Variants in CBX1 observed in about 807,000 individuals in gnomAD.
CBX1 encodes chromobox protein homolog 1.
Under a neutral mutation model 25.1 loss-of-function variants are expected in CBX1, and 10 were observed. That is an observed-to-expected ratio of 0.40 (90% CI 0.25 to 0.68). CBX1 has a LOEUF of 0.68. CBX1 is among the 30% of genes least tolerant of loss of function. CBX1 has a pLI of 0.40. For synonymous variants in CBX1, 63 were observed against 79.4 expected (o/e 0.79, Z 1.10); for missense variants, 106 against 218.5 (o/e 0.49, Z 3.25).
intron 1 of CBX1, among the ~76,000 whole-genome samples, chr17:48,092,431 TG>T (rs1327598362): frequency 6.7e-6 from 1 of 149,364 alleles, no homozygotes; most frequent in East Asian, 2.1e-4. Context: ...CAGACCAGCC[TG>T]GGCAACACAG....
intron 1 of CBX1, among the ~76,000 whole-genome samples, chr17:48,085,674 T>C (rs1222810296): frequency 2.6e-5 from 4 of 152,196 alleles, no homozygotes; most frequent in African/African-American, 7.2e-5. Context: ...AGCAGTCTTT[T>C]GAGTCTTTTA....
At chr17:48,075,744 A>G (rs549400951) in intron 3 of CBX1, among the ~76,000 whole-genome samples, 2 of 152,290 alleles carry the variant, frequency 1.3e-5, no homozygotes, top group South Asian at 2.1e-4. Flanking sequence ...ATTGAAAACT[A>G]TTTTTTACAA....
chr17:48,079,148 C>T (rs117974417), intron 1 of CBX1, among the ~76,000 whole-genome samples: 8 of 150,442 alleles, frequency 5.3e-5, no homozygotes, highest in South Asian at 2.1e-4. Context: ...TCACTCCAGC[C>T]GGGCTGGAGT....
intron 1 of CBX1, among the ~76,000 whole-genome samples, chr17:48,082,350 A>C (rs1005632389): frequency 1.3e-5 from 2 of 151,332 alleles, no homozygotes; most frequent in African/African-American, 4.9e-5. Flanking sequence ...AAAATACAAA[A>C]AATTAGCTGG....
chr17:48,080,395 G>T (rs2037718961), intron 1 of CBX1, among the ~76,000 whole-genome samples: 1 of 152,080 alleles, frequency 6.6e-6, no homozygotes, highest in African/African-American at 2.4e-5. Flanking sequence ...TTTGTCAGTA[G>T]ATGGCACTGT....
At chr17:48,100,937 G>A in intron 1 of CBX1, 3 of 986,262 alleles carry the variant, frequency 3.0e-6, no homozygotes, top group African/African-American at 1.7e-5. Context: ...GTCCCCTTCC[G>A]CCCTATCCCG....
chr17:48,082,228 C>CGTG (rs2037745389), intron 1 of CBX1, among the ~76,000 whole-genome samples: 1 of 151,374 alleles, frequency 6.6e-6, no homozygotes, highest in Admixed American at 6.6e-5. Flanking sequence ...AGAGGCTGGG[C>CGTG]GTGGTGGCTC....
intron 4 of CBX1, among the ~76,000 whole-genome samples, chr17:48,072,223 C>T (rs1175839165): frequency 6.6e-6 from 1 of 152,038 alleles, no homozygotes; most frequent in African/African-American, 2.4e-5. Flanking sequence ...GTTGGCCAGG[C>T]TCATCTTGAA....
chr17:48,074,698 A>G (rs115019315), intron 4 of CBX1, among the ~76,000 whole-genome samples: 156 of 152,320 alleles, frequency 1.0e-3, no homozygotes, highest in African/African-American at 3.5e-3. Flanking sequence ...GGGTGGTCCA[A>G]TCACATTTCA....
intron 1 of CBX1, among the ~76,000 whole-genome samples, chr17:48,087,948 G>A (rs1229836833): frequency 6.6e-6 from 1 of 151,484 alleles, no homozygotes; most frequent in Admixed American, 6.6e-5. Flanking sequence ...GCGAATACAT[G>A]AGGAAGTGGT....
At position 48,070,274 on chromosome 17, in the gene CBX1, TTGTG is replaced by T. The variant is rs983496754; in HGVS notation, c.*1157_*1160del. 1 of 152,632 alleles carries T rather than the reference TTGTG, an allele frequency of 6.6e-6. No individual in the cohort carries two copies. Among genetic ancestry groups the T allele is most frequent in the Non-Finnish European group, 1.5e-5 (1 of 68,036 alleles). The allele number at this position is 152,632 out of a possible 1,614,324, so 9.5% of individuals were successfully genotyped here. A position where few individuals can be genotyped will look rare whatever the true frequency, so the allele number is the denominator to read the frequency against. Reference sequence around the variant, plus strand: ...TATTAGGATTTCTTAAAAAATTGTTTTGTGTGTGTATGTGTGTGTTTTAAAGTGA... The same window carrying T: ...TATTAGGATTTCTTAAAAAATTGTTTTGTGTATGTGTGTGTTTTAAAGTGA... On this transcript the variant is annotated 3_prime_UTR_variant, in exon 5 of 5. Transcript: ENST00000225603.
intron 1 of CBX1, among the ~76,000 whole-genome samples, chr17:48,087,678 C>T (rs539230074): frequency 6.6e-6 from 1 of 152,012 alleles, no homozygotes; most frequent in South Asian, 2.1e-4. Flanking sequence ...TCGAGACCTT[C>T]CTGGCCAACA....
At chr17:48,083,263 G>T (rs1035475947) in intron 1 of CBX1, among the ~76,000 whole-genome samples, 3 of 150,386 alleles carry the variant, frequency 2.0e-5, no homozygotes, top group African/African-American at 7.5e-5. Flanking sequence ...TCCCGCCTCA[G>T]CCTCCCAAAG....
chr17:48,071,621 G>A, intron 4 of CBX1, 42 bp from the exon 5 acceptor site: 2 of 1,554,126 alleles, frequency 1.3e-6, no homozygotes, highest in African/African-American at 1.4e-5. Flanking sequence ...CCAGGTGCTG[G>A]TGGTCTATCC....
At chr17:48,099,124 C>G (rs1178776231) in intron 1 of CBX1, among the ~76,000 whole-genome samples, 1 of 152,076 alleles carries the variant, frequency 6.6e-6, no homozygotes, top group Non-Finnish European at 1.5e-5. Flanking sequence ...TTTTTTGAGA[C>G]AGAGTCTCGC....
chr17:48,101,107 G>A, intron 1 of CBX1, 161 bp downstream of exon 1: 1 of 986,512 alleles, frequency 1.0e-6, no homozygotes, highest in Non-Finnish European at 1.2e-6. Flanking sequence ...AGCGACAGGC[G>A]AAGAGCTCAG....
Position 48,075,098 on chromosome 17 carries a change from T to C in CBX1, c.321A>G (p.Ser107=), listed in dbSNP as rs2037661822. The C allele has an allele frequency of 6.2e-7, 1 of 1,612,644 alleles. No homozygotes were observed. The highest frequency in any genetic ancestry group is 2.2e-5 in the East Asian group (1 of 44,890). The stretch of plus-strand genomic sequence containing the variant: ...CTCGAGCAAAGCCTCGTGGCTTTTC[T>C]GACTGTAAAAACAAGATGGGTAGAA... The part of the protein sequence containing the change: ...ESKPKKKKEE[S]EKPRGFARGL... Residue 107 remains serine, a splice_region_variant and synonymous_variant, in exon 4 of 5, where the codon TCA becomes TCG. Transcript: ENST00000225603.
At chr17:48,074,318 CATT>C (rs1288434048) in intron 4 of CBX1, among the ~76,000 whole-genome samples, 2 of 152,176 alleles carry the variant, frequency 1.3e-5, no homozygotes, top group Non-Finnish European at 2.9e-5. Flanking sequence ...TAAATACAAT[CATT>C]GAGATCCACT....
At chr17:48,080,969 TATATATATATATATATATATATATAA>T (rs1422008323) in intron 1 of CBX1, among the ~76,000 whole-genome samples, 18 of 69,116 alleles carry the variant, frequency 2.6e-4, no homozygotes, top group Non-Finnish European at 3.3e-4. Context: ...TATATATATA[TATATATATATATATATATATATATAA>T]AATTTGTCTT....
Sources: gnomAD v4.1 joint callset for allele counts (sites outside exome capture counted in the v4.1 genomes callset) on GRCh38, gnomAD v4.1.1 for gene constraint, MANE v1.5 for transcripts, NCBI Gene and HGNC (gene_info 2026-07-23, HGNC 2026-07-21) for gene names.